Variants in TRPC4AP observed in about 807,000 individuals in gnomAD.
The protein encoded by TRPC4AP is short transient receptor potential channel 4-associated protein.
In TRPC4AP, 45 loss-of-function variants were observed where a neutral mutation model predicts 99.0. The ratio of observed to expected loss-of-function variants is 0.45; its 90% confidence interval spans 0.36 to 0.58. The LOEUF is 0.58. Ranked by LOEUF, TRPC4AP falls within the 20% of genes least tolerant of loss-of-function variation. The pLI is 0.00. For missense variants in TRPC4AP, 879 were observed against 985.3 expected, an observed-to-expected ratio of 0.89 and a Z score of 1.44; for synonymous variants, 408 against 385.8, an observed-to-expected ratio of 1.06 and a Z score of -0.67.
chr20:35,092,719 T>C lies in TRPC4AP; in HGVS notation c.63A>G (p.Thr21=), dbSNP rs761768753. Residue 21 remains threonine, a synonymous_variant, in exon 1 of 19, where the codon ACA becomes ACG. Coordinates refer to ENST00000252015, the MANE Select transcript of TRPC4AP (RefSeq NM_015638.3). The part of the protein sequence containing the change: ...GAGRGRRSAA[T]VAAWGGWGGR... The stretch of plus-strand genomic sequence containing the variant: ...CGCCCCATCCGCCCCAAGCCGCCAC[T>C]GTGGCTGCCGACCGTCTCCCTCGGC... 15 of 1,558,922 alleles carry C rather than the reference T, an allele frequency of 9.6e-6. No individual in the cohort carries two copies. The highest frequency in any genetic ancestry group is 1.1e-5 in the Non-Finnish European group (13 of 1,163,676).
At chr20:35,040,558 C>T (rs2083424955) in intron 7 of TRPC4AP, among the ~76,000 whole-genome samples, 1 of 152,152 alleles carries the variant, frequency 6.6e-6, no homozygotes, top group Non-Finnish European at 1.5e-5. Flanking sequence ...CTGAGCCATG[C>T]TAATGGCTTC....
chr20:35,010,873 A>G (rs940663823), intron 11 of TRPC4AP, among the ~76,000 whole-genome samples: 1 of 152,210 alleles, frequency 6.6e-6, no homozygotes, highest in Admixed American at 6.5e-5. Flanking sequence ...AAACACTTCC[A>G]CAGCTTCCCA....
intron 10 of TRPC4AP, among the ~76,000 whole-genome samples, chr20:35,013,658 G>A (rs1421144032): frequency 6.6e-6 from 1 of 152,182 alleles, no homozygotes; most frequent in African/African-American, 2.4e-5. Flanking sequence ...AATGAAGAAA[G>A]GACCGAGGAG....
rs1331089556 is a variant in TRPC4AP, at chr20:35,092,210, C to T, written c.168+404G>A. ...CTGAGAAAATGACATTTATGAAATGCTCGGGAACCATTTGGGGGCTGCAAT... is the reference window on the plus strand; with the variant it reads ...CTGAGAAAATGACATTTATGAAATGTTCGGGAACCATTTGGGGGCTGCAAT... On this transcript the variant is annotated intron_variant, in intron 1 of 18. Coordinates refer to ENST00000252015, the MANE Select transcript of TRPC4AP (RefSeq NM_015638.3). Among the ~76,000 whole-genome samples the T allele has an allele frequency of 2.0e-5, 3 of 152,026 alleles. No homozygotes were observed. The East Asian group carries it at 5.8e-4, about 29-fold the overall frequency.
intron 11 of TRPC4AP, among the ~76,000 whole-genome samples, chr20:35,012,511 CAG>C (rs1308917652): frequency 6.6e-6 from 1 of 152,152 alleles, no homozygotes; most frequent in East Asian, 1.9e-4. Flanking sequence ...TTCCTTACAG[CAG>C]AGAGTAATTT....
chr20:35,069,632 T>G (rs2084252312), intron 2 of TRPC4AP, among the ~76,000 whole-genome samples: 2 of 152,058 alleles, frequency 1.3e-5, no homozygotes, highest in Admixed American at 1.3e-4. Flanking sequence ...GTGGTAGAAG[T>G]GACACTAGGC....
chr20:35,086,592 A>C (rs1342245533), intron 1 of TRPC4AP, among the ~76,000 whole-genome samples: 6 of 147,674 alleles, frequency 4.1e-5, no homozygotes, highest in African/African-American at 1.5e-4. Context: ...TATATGAATA[A>C]GACTTTATCC....
At chr20:35,087,560 C>G (rs190050970) in intron 1 of TRPC4AP, among the ~76,000 whole-genome samples, 1 of 152,210 alleles carries the variant, frequency 6.6e-6, no homozygotes, top group African/African-American at 2.4e-5. Context: ...TAGAGCCCAG[C>G]GTTTACTCAG....
chr20:35,032,808 G>A (rs6060167), intron 8 of TRPC4AP, among the ~76,000 whole-genome samples: 89,212 of 151,640 alleles, frequency 0.59, 27,179 homozygotes, highest in Middle Eastern at 0.74. Context: ...GTTAAATCTG[G>A]TATCTGGACC....
chr20:35,067,792 G>A lies in TRPC4AP; in HGVS notation c.414+1504C>T, dbSNP rs552683794. 1.1e-4 allele frequency among the ~76,000 whole-genome samples: 16 copies of A among 152,188 alleles called. No homozygotes were observed. The East Asian group carries it at 2.7e-3, about 26-fold the overall frequency. ...TTATATAACTAAATTTATACAAAAC[G>A]TCCACGACAGAGAAATCTATAGAGA... On this transcript the variant is annotated intron_variant, in intron 3 of 18. Coordinates refer to ENST00000252015, the MANE Select transcript of TRPC4AP (RefSeq NM_015638.3).
At chr20:35,046,438 C>CA (rs2083563984) in intron 6 of TRPC4AP, among the ~76,000 whole-genome samples, 1 of 152,216 alleles carries the variant, frequency 6.6e-6, no homozygotes, top group African/African-American at 2.4e-5. Flanking sequence ...GTTTCTCTTT[C>CA]ACTGCACAGA....
At chr20:35,073,604 G>A (rs1210282418) in intron 2 of TRPC4AP, among the ~76,000 whole-genome samples, 1 of 152,178 alleles carries the variant, frequency 6.6e-6, no homozygotes, top group African/African-American at 2.4e-5. Flanking sequence ...AACCAGCCTT[G>A]TATCCCAGGG....
intron 5 of TRPC4AP, among the ~76,000 whole-genome samples, chr20:35,052,500 TTA>T (rs2083729624): frequency 1.3e-5 from 2 of 152,120 alleles, no homozygotes; most frequent in South Asian, 4.1e-4. Context: ...GTTTATTTTT[TTA>T]TCTTTTATTT....
intron 11 of TRPC4AP, among the ~76,000 whole-genome samples, chr20:35,011,894 C>T (rs1048061737): frequency 1.3e-5 from 2 of 152,230 alleles, no homozygotes; most frequent in Non-Finnish European, 2.9e-5. Context: ...TCACAGACCC[C>T]GTTCCTCTCC....
Position 35,075,677 on chromosome 20 carries a change from G to C in TRPC4AP, c.297+2369C>G, listed in dbSNP as rs962366619. On this transcript the variant is annotated intron_variant, in intron 2 of 18. Transcript: ENST00000252015. ...TGTGGGTAACCCGACCTTTCTCTCT[G>C]GCTGCCCTTAATATTTTTTCCTTAA... Among the ~76,000 whole-genome samples, 4 of 152,254 alleles carry C rather than the reference G, an allele frequency of 2.6e-5. No individual in the cohort carries two copies. The South Asian group carries it at 8.3e-4, about 32-fold the overall frequency.
chr20:35,049,527 T>A (rs575490151), intron 6 of TRPC4AP, among the ~76,000 whole-genome samples: 3 of 152,314 alleles, frequency 2.0e-5, no homozygotes, highest in Admixed American at 2.0e-4. Flanking sequence ...TAGCATACAA[T>A]AGCACATACA....
chr20:35,062,121 C>T (rs889665113), intron 3 of TRPC4AP, among the ~76,000 whole-genome samples: 3 of 152,104 alleles, frequency 2.0e-5, no homozygotes, highest in Admixed American at 6.6e-5. Flanking sequence ...ATACCTACTA[C>T]GATGGTTATA....
intron 9 of TRPC4AP, 82 bp downstream of exon 9, chr20:35,021,108 G>A (rs1209344450): frequency 6.9e-7 from 1 of 1,452,308 alleles, no homozygotes; most frequent in East Asian, 2.3e-5. Flanking sequence ...TCTAACAGAA[G>A]GCCCAGTGGA....
At chr20:35,011,165 T>C (rs2082626858) in intron 11 of TRPC4AP, among the ~76,000 whole-genome samples, 1 of 152,060 alleles carries the variant, frequency 6.6e-6, no homozygotes, top group Admixed American at 6.6e-5. Flanking sequence ...GAGGCTGAGG[T>C]AGAATTGCTT....
Sources: gnomAD v4.1 joint callset for allele counts (sites outside exome capture counted in the v4.1 genomes callset) on GRCh38, gnomAD v4.1.1 for gene constraint, MANE v1.5 for transcripts, NCBI Gene and HGNC (gene_info 2026-07-23, HGNC 2026-07-21) for gene names.